Variants in CACNG8 observed in about 807,000 individuals in gnomAD.
CACNG8 encodes the protein calcium voltage-gated channel auxiliary subunit gamma 8.
CACNG8 carries 5 observed loss-of-function variants against 26.9 expected under a neutral mutation model. That is an observed-to-expected ratio of 0.19 (90% CI 0.10 to 0.39). The LOEUF (loss-of-function observed/expected upper bound fraction) is 0.39. Ranked by LOEUF, CACNG8 falls within the 10% of genes least tolerant of loss-of-function variation. The pLI, the probability that CACNG8 is intolerant of heterozygous loss-of-function variation, is 1.00. For synonymous variants in CACNG8, 321 were observed against 296.7 expected (o/e 1.08, Z -0.84); for missense variants, 473 against 609.4 (o/e 0.78, Z 2.36).
chr19:53,984,223 A>G lies in CACNG8; in HGVS notation c.*1374A>G, dbSNP rs1384459590. ...CACTCACCCATTGCCATTTTTGGCC[A>G]TCTGCTAAGGTACCAGGAAGTGTGT... is the stretch of plus-strand genomic sequence containing the variant. On this transcript the variant is annotated 3_prime_UTR_variant, in exon 4 of 4. Coordinates refer to ENST00000270458, the MANE Select transcript of CACNG8 (RefSeq NM_031895.6). 1 of 152,280 alleles carries G rather than the reference A, an allele frequency of 6.6e-6. No individual in the cohort carries two copies. Among genetic ancestry groups the G allele is most frequent in the Non-Finnish European group, 1.5e-5 (1 of 68,082 alleles). 9.4% of individuals were successfully genotyped at this position (152,280 alleles called of 1,614,324 possible).
chr19:53,987,014 G>A lies in CACNG8; in HGVS notation c.*4165G>A, dbSNP rs2069411994. 6.6e-6 allele frequency: 1 copy of A among 152,206 alleles called. No homozygotes were observed. Among genetic ancestry groups the A allele is most frequent in the Admixed American group, 6.6e-5 (1 of 15,256 alleles). 9.4% of individuals were successfully genotyped at this position (152,206 alleles called of 1,614,324 possible). A position where few individuals can be genotyped will look rare whatever the true frequency, so the allele number is the denominator to read the frequency against. The stretch of plus-strand genomic sequence containing the variant: ...ATCTGAATTTTATTCTAGATCTGAT[G>A]GGAAGTGCTTGGAGGGTTTTGAGCA... On this transcript the variant is annotated 3_prime_UTR_variant, in exon 4 of 4. Coordinates refer to ENST00000270458, the MANE Select transcript of CACNG8 (RefSeq NM_031895.6).
chr19:53,979,766 G>A lies in CACNG8; in HGVS notation c.368-101G>A. The A allele has an allele frequency of 2.3e-6, 3 of 1,280,972 alleles. No individual in the cohort carries two copies. The East Asian group carries it at 7.8e-5, about 33-fold the overall frequency. The allele number at this position is 1,280,972 out of a possible 1,614,324, so 79.4% of individuals were successfully genotyped here. A position where few individuals can be genotyped will look rare whatever the true frequency, so the allele number is the denominator to read the frequency against. On this transcript the variant is annotated intron_variant, in intron 2 of 3. Transcript: ENST00000270458. ...GCCGGAGAGAGAGAATCACAGAACT[G>A]TCGGGAGGCGCCGCGAGATGGGGGG... is the stretch of plus-strand genomic sequence containing the variant.
At chr19:53,963,558 G>C in intron 1 of CACNG8, 133 bp downstream of exon 1, 1 of 887,048 alleles carries the variant, frequency 1.1e-6, no homozygotes, top group Non-Finnish European at 1.6e-6. Context: ...GGGCTTCTGC[G>C]CCTTCCCACT....
intron 1 of CACNG8, among the ~76,000 whole-genome samples, chr19:53,964,777 G>A (rs2069262958): frequency 6.6e-6 from 1 of 152,102 alleles, no homozygotes; most frequent in Non-Finnish European, 1.5e-5. Flanking sequence ...CTGGGAAGCA[G>A]GAGTCTTGGG....
chr19:53,985,624 A>C lies in CACNG8; in HGVS notation c.*2775A>C, dbSNP rs1334899099. The C allele has an allele frequency of 6.6e-6, 1 of 152,098 alleles. No homozygotes were observed. Among genetic ancestry groups the C allele is most frequent in the Admixed American group, 6.6e-5 (1 of 15,258 alleles). The allele number at this position is 152,098 out of a possible 1,614,324, so 9.4% of individuals were successfully genotyped here. A position where few individuals can be genotyped will look rare whatever the true frequency, so the allele number is the denominator to read the frequency against. On this transcript the variant is annotated 3_prime_UTR_variant, in exon 4 of 4. Transcript: ENST00000270458. ...TTGGGAGACTGAGGCAGGCAGATTG[A>C]GCTCAGGAGTTCCAGACCAGCCAAC...
At chr19:53,971,801 T>A (rs1226384827) in intron 1 of CACNG8, among the ~76,000 whole-genome samples, 2 of 151,968 alleles carry the variant, frequency 1.3e-5, no homozygotes, top group Non-Finnish European at 2.9e-5. Context: ...AGGGGCAGAG[T>A]GGGTTGGATC....
intron 1 of CACNG8, among the ~76,000 whole-genome samples, chr19:53,965,043 C>T (rs956530518): frequency 1.3e-5 from 2 of 152,178 alleles, no homozygotes; most frequent in Non-Finnish European, 1.5e-5. Flanking sequence ...TGGGCACCAC[C>T]TCGCTGTTGG....
intron 1 of CACNG8, among the ~76,000 whole-genome samples, chr19:53,976,797 C>G (rs1175714583): frequency 6.6e-6 from 1 of 152,038 alleles, no homozygotes. Context: ...CTCAGCCTCC[C>G]GAGTAGCTGG....
In CACNG8 at chr19:53,983,598, CAG is replaced by C. The variant is rs1326756098; in HGVS notation, c.*750_*751del. ...TAGAGTAAACATCTTGTGCATGAGACAGGCATTAATCGATCATGTACATACAC... is the reference window on the plus strand; with the variant it reads ...TAGAGTAAACATCTTGTGCATGAGACGCATTAATCGATCATGTACATACAC... On this transcript the variant is annotated 3_prime_UTR_variant, in exon 4 of 4. Transcript: ENST00000270458. 6.6e-6 allele frequency: 1 copy of C among 152,214 alleles called. No homozygotes were observed. The highest frequency in any genetic ancestry group is 1.5e-5 in the Non-Finnish European group (1 of 68,048). The allele number at this position is 152,214 out of a possible 1,614,324, so 9.4% of individuals were successfully genotyped here. A position where few individuals can be genotyped will look rare whatever the true frequency, so the allele number is the denominator to read the frequency against.
In CACNG8 at chr19:53,979,935, G is replaced by A; in HGVS notation, c.436G>A (p.Val146Met). 3.1e-6 allele frequency: 5 copies of A among 1,613,220 alleles called. No individual in the cohort carries two copies. Among genetic ancestry groups the A allele is most frequent in the Non-Finnish European group, 4.2e-6 (5 of 1,179,608 alleles). The stretch of plus-strand genomic sequence containing the variant: ...CCTGCTGCTGCTCGGGGGTGTGTGC[G>A]TGGCGGCCTCCCGCGTCTACAAGTC... Residue 146 changes from valine (V) to methionine (M), a missense_variant, in exon 3 of 4, where the codon GTG becomes ATG. This residue lies in a region of CACNG8 where 155 missense variants were observed against 253.0 expected (regional missense o/e 0.61). Transcript: ENST00000270458.
intron 3 of CACNG8, 74 bp downstream of exon 3, chr19:53,980,081 T>C (rs547704161): frequency 0.13 from 160,806 of 1,260,396 alleles, 6,234 homozygotes; most frequent in East Asian, 0.3. Flanking sequence ...TGTGTGTGTG[T>C]GTGTGCGCGC....
chr19:53,982,443 C>G lies in CACNG8; in HGVS notation c.872C>G (p.Pro291Arg). 2 of 1,517,650 alleles carry G rather than the reference C, an allele frequency of 1.3e-6. No homozygotes were observed. The highest frequency in any genetic ancestry group is 8.8e-7 in the Non-Finnish European group (1 of 1,139,758). 94.0% of individuals were successfully genotyped at this position (1,517,650 alleles called of 1,614,324 possible). ...CCGTCGCCGTCGCGGGACGCGTCTCCCGGCGGCCCCGGGGGCCCGGGCTTT... is the reference window on the plus strand; with the variant it reads ...CCGTCGCCGTCGCGGGACGCGTCTCGCGGCGGCCCCGGGGGCCCGGGCTTT... The change falls in exon 4 of 4, where the codon CCC becomes CGC. Residue 291 changes from proline to arginine, a missense_variant. Coordinates refer to ENST00000270458, the MANE Select transcript of CACNG8 (RefSeq NM_031895.6). This position sits in a 1 kb window ranked among gnomAD's most constrained non-coding sequence, Gnocchi z 8.4.
intron 1 of CACNG8, among the ~76,000 whole-genome samples, chr19:53,977,305 G>T (rs1285730487): frequency 6.6e-6 from 1 of 152,208 alleles, no homozygotes; most frequent in African/African-American, 2.4e-5. Context: ...CATGGGCAGA[G>T]GTCTGCAGAA....
At chr19:53,965,321 C>A (rs1330241793) in intron 1 of CACNG8, among the ~76,000 whole-genome samples, 1 of 152,162 alleles carries the variant, frequency 6.6e-6, no homozygotes, top group Non-Finnish European at 1.5e-5. Flanking sequence ...CTACCCTGAC[C>A]ACGATGGGCC....
intron 1 of CACNG8, among the ~76,000 whole-genome samples, chr19:53,968,693 T>C (rs2069284889): frequency 7.3e-6 from 1 of 137,134 alleles, no homozygotes. Context: ...CCTTTAACCC[T>C]GGAGGTGGAG....
At chr19:53,978,050 G>A (rs565805760) in intron 1 of CACNG8, 96 bp from the exon 2 acceptor site, 5 of 793,950 alleles carry the variant, frequency 6.3e-6, no homozygotes, top group East Asian at 5.3e-5. Context: ...AGAGAGAGAA[G>A]GGGTTTGGGG....
chr19:53,979,570 G>C (rs866959020), intron 2 of CACNG8, among the ~76,000 whole-genome samples: 5 of 152,008 alleles, frequency 3.3e-5, no homozygotes, highest in Non-Finnish European at 7.4e-5. Context: ...AAAACAGGGA[G>C]AGTGATTTCG....
intron 1 of CACNG8, among the ~76,000 whole-genome samples, chr19:53,964,949 C>A (rs1409595722): frequency 6.6e-6 from 1 of 152,176 alleles, no homozygotes; most frequent in Non-Finnish European, 1.5e-5. Flanking sequence ...TTTCATCCCC[C>A]TCTATTTCCT....
At chr19:53,973,383 G>T (rs1234760328) in intron 1 of CACNG8, among the ~76,000 whole-genome samples, 2 of 151,856 alleles carry the variant, frequency 1.3e-5, no homozygotes, top group African/African-American at 4.8e-5. Flanking sequence ...ATTAGCCAGG[G>T]GTGGTGGCAG....
Sources: gnomAD v4.1 joint callset for allele counts (sites outside exome capture counted in the v4.1 genomes callset) on GRCh38, gnomAD v4.1.1 for gene constraint, gnomAD v4.1.1 regional missense constraint, Gnocchi (gnomAD v3.1) non-coding constraint, MANE v1.5 for transcripts, NCBI Gene and HGNC (gene_info 2026-07-23, HGNC 2026-07-21) for gene names.